The following CFAP97 variants were observed in gnomAD, a reference collection of about 807,000 sequenced individuals.
The protein encoded by CFAP97 is cilia and flagella associated protein 97, also known as cilia- and flagella-associated protein 97.
CFAP97 carries 36 observed loss-of-function variants against 43.1 expected under a neutral mutation model. The observed-to-expected ratio is 0.84, with a 90% CI of 0.64 to 1.10. The LOEUF (loss-of-function observed/expected upper bound fraction) is 1.10. CFAP97 is among the 50% of genes least tolerant of loss of function. The pLI is 0.00. For missense variants in CFAP97, 657 were observed against 620.3 expected (o/e 1.06, Z -0.63); for synonymous variants, 228 against 225.7 (o/e 1.01, Z -0.09).
At chr4:185,201,855 G>A (rs575196319) in intron 1 of CFAP97, among the ~76,000 whole-genome samples, 28 of 152,096 alleles carry the variant, frequency 1.8e-4, no homozygotes, top group African/African-American at 6.8e-4. Flanking sequence ...TCTTCATGTC[G>A]TATCTCCACA....
intron 2 of CFAP97, among the ~76,000 whole-genome samples, chr4:185,180,016 T>A (rs1735720016): frequency 1.3e-5 from 2 of 152,200 alleles, no homozygotes; most frequent in South Asian, 4.1e-4. Flanking sequence ...CTTTTAGTGA[T>A]GTTCACATCT....
chr4:185,192,620 GTTT>G lies in CFAP97; in HGVS notation c.-16-1411_-16-1409del, dbSNP rs56979147. Among the ~76,000 whole-genome samples the G allele has an allele frequency of 2.5e-4, 38 of 150,974 alleles. No homozygotes were observed. The East Asian group carries it at 6.4e-3, about 25-fold the overall frequency. On this transcript the variant is annotated intron_variant, in intron 1 of 4. Coordinates refer to ENST00000458385, the MANE Select transcript of CFAP97 (RefSeq NM_020827.3). The stretch of plus-strand genomic sequence containing the variant: ...ATAAAGTCATAGTCTTTAAAAAATG[GTTT>G]TTTTTATCTGTTTATTACAGTGGTC...
intron 2 of CFAP97, among the ~76,000 whole-genome samples, chr4:185,178,903 C>T (rs1735668366): frequency 6.6e-6 from 1 of 152,240 alleles, no homozygotes; most frequent in African/African-American, 2.4e-5. Context: ...AACGACCACA[C>T]TGGTAGATCT....
chr4:185,181,504 T>C (rs979182816), intron 2 of CFAP97, among the ~76,000 whole-genome samples: 3 of 151,866 alleles, frequency 2.0e-5, no homozygotes, highest in Non-Finnish European at 4.4e-5. Context: ...TTTGTATTTT[T>C]AGTAGAGACA....
At chr4:185,198,850 A>G (rs924614298) in intron 1 of CFAP97, among the ~76,000 whole-genome samples, 4 of 152,132 alleles carry the variant, frequency 2.6e-5, no homozygotes, top group Admixed American at 6.5e-5. Flanking sequence ...GCTGCAGAAG[A>G]TCTAGCTAAG....
chr4:185,176,849 T>C (rs184985395), intron 2 of CFAP97, among the ~76,000 whole-genome samples: 3 of 152,316 alleles, frequency 2.0e-5, no homozygotes, highest in Admixed American at 2.0e-4. Context: ...ACTCTCAACT[T>C]AACCAGAAAA....
At chr4:185,191,555 GGC>G (rs1348499991) in intron 1 of CFAP97, among the ~76,000 whole-genome samples, 2 of 152,202 alleles carry the variant, frequency 1.3e-5, no homozygotes, top group Non-Finnish European at 2.9e-5. Context: ...AAAAAGGCCG[GGC>G]GCGGTGGCTC....
chr4:185,172,665 T>G (rs576371717), intron 3 of CFAP97, among the ~76,000 whole-genome samples: 1 of 152,284 alleles, frequency 6.6e-6, no homozygotes, highest in Non-Finnish European at 1.5e-5. Flanking sequence ...TGTGTCTCTG[T>G]GTGCTGAACA....
At chr4:185,201,577 G>A (rs1736832445) in intron 1 of CFAP97, among the ~76,000 whole-genome samples, 1 of 152,150 alleles carries the variant, frequency 6.6e-6, no homozygotes. Context: ...ATGATTGACA[G>A]CATTTTTTAG....
Position 185,191,026 on chromosome 4 carries a change from C to T in CFAP97, c.171G>A (p.Met57Ile), listed in dbSNP as rs199877859. 39 of 1,613,332 alleles carry T rather than the reference C, an allele frequency of 2.4e-5. No individual in the cohort carries two copies. In the African/African-American group the frequency reaches 4.4e-4, roughly 18 times the overall value. ...CAGTAAGATAATTTTCTGTTGTTTG[C>T]ATTCCAGTGTTCGAATTTACATTTT... ...DTKNVNSNTG[M>I]QTTENYLTEK... Residue 57 changes from methionine (M) to isoleucine (I), a missense_variant, in exon 2 of 5, where the codon ATG (methionine) becomes ATA (isoleucine). Transcript: ENST00000458385.
chr4:185,186,896 C>T (rs1310053272), intron 2 of CFAP97, among the ~76,000 whole-genome samples: 5 of 152,142 alleles, frequency 3.3e-5, no homozygotes, highest in African/African-American at 7.2e-5. Context: ...GTTTAAAAAT[C>T]GTTGTGTTAG....
intron 2 of CFAP97, among the ~76,000 whole-genome samples, chr4:185,178,408 C>T (rs1328346307): frequency 1.3e-5 from 2 of 151,708 alleles, no homozygotes; most frequent in African/African-American, 4.8e-5. Context: ...CTACCACGCC[C>T]GGCTAATTTT....
intron 4 of CFAP97, among the ~76,000 whole-genome samples, chr4:185,163,327 C>G (rs1440880225): frequency 6.6e-6 from 1 of 152,122 alleles, no homozygotes; most frequent in African/African-American, 2.4e-5. Context: ...ATAAATGGAA[C>G]TACTAGTCTT....
At chr4:185,194,248 G>A (rs1736437864) in intron 1 of CFAP97, among the ~76,000 whole-genome samples, 1 of 152,196 alleles carries the variant, frequency 6.6e-6, no homozygotes, top group Admixed American at 6.5e-5. Context: ...CAACACTTTG[G>A]GAAGCCGAGG....
chr4:185,209,632 G>C, upstream of CFAP97: 1 of 634,038 alleles, frequency 1.6e-6, no homozygotes, highest in South Asian at 6.9e-5. This position sits in a 1 kb window ranked among gnomAD's most constrained non-coding sequence, Gnocchi z 5.2. Context: ...GGCTGCGCCC[G>C]GCCCGGCAGC....
At chr4:185,207,566 C>G (rs1737240127), upstream of CFAP97, among the ~76,000 whole-genome samples, 1 of 152,104 alleles carries the variant, frequency 6.6e-6, no homozygotes, top group Non-Finnish European at 1.5e-5. Context: ...AAGAATTTAA[C>G]CTTTTTTTTT....
chr4:185,171,050 T>C (rs1484373933), intron 3 of CFAP97, among the ~76,000 whole-genome samples: 1 of 150,734 alleles, frequency 6.6e-6, no homozygotes, highest in Non-Finnish European at 1.5e-5. Flanking sequence ...ACATGCCTTT[T>C]ATTTTTAAAA....
At chr4:185,181,718 A>G (rs1553971614) in intron 2 of CFAP97, among the ~76,000 whole-genome samples, 1 of 152,240 alleles carries the variant, frequency 6.6e-6, no homozygotes, top group Non-Finnish European at 1.5e-5. Context: ...TTCTTCAGCT[A>G]TGAGTCTGGT....
intron 1 of CFAP97, among the ~76,000 whole-genome samples, chr4:185,196,837 C>T (rs908449383): frequency 5.3e-5 from 8 of 152,058 alleles, no homozygotes; most frequent in African/African-American, 1.2e-4. Context: ...CAGTGGGTTG[C>T]GCCTGTAATC....
Sources: gnomAD v4.1 joint callset for allele counts (sites outside exome capture counted in the v4.1 genomes callset) on GRCh38, gnomAD v4.1.1 for gene constraint, Gnocchi (gnomAD v3.1) non-coding constraint, MANE v1.5 for transcripts, NCBI Gene and HGNC (gene_info 2026-07-23, HGNC 2026-07-21) for gene names.